ZFPM2: variants seen among roughly 807,000 people sequenced by gnomAD.
ZFPM2 encodes the protein zinc finger protein ZFPM2.
In ZFPM2, 20 loss-of-function variants were observed where a neutral mutation model predicts 98.6. The ratio of observed to expected loss-of-function variants is 0.20; its 90% CI spans 0.14 to 0.29. The LOEUF (loss-of-function observed/expected upper bound fraction) is 0.29, where lower values mean the gene tolerates loss of function less well. ZFPM2 is among the 10% of genes least tolerant of loss of function. The pLI is 1.00. For synonymous variants in ZFPM2, 518 were observed against 502.7 expected (o/e 1.03, Z -0.41); for missense variants, 1,310 against 1,388.6 (o/e 0.94, Z 0.90).
intron 4 of ZFPM2, among the ~76,000 whole-genome samples, chr8:105,586,124 G>A (rs1815709612): frequency 6.6e-6 from 1 of 151,782 alleles, no homozygotes; most frequent in Non-Finnish European, 1.5e-5. Context: ...AAGAGAACAT[G>A]GTAAACTTCA....
At chr8:105,498,576 C>G (rs776244093) in intron 3 of ZFPM2, among the ~76,000 whole-genome samples, 10 of 152,204 alleles carry the variant, frequency 6.6e-5, no homozygotes, top group Non-Finnish European at 1.5e-4. Context: ...TCCTAAACCC[C>G]TCTCTTTTCA....
intron 3 of ZFPM2, among the ~76,000 whole-genome samples, chr8:105,488,540 TCA>T (rs1813283662): frequency 1.3e-5 from 2 of 152,066 alleles, no homozygotes; most frequent in Admixed American, 6.6e-5. Flanking sequence ...GGCAGGTGGA[TCA>T]CAAGGTCAGG....
intron 3 of ZFPM2, among the ~76,000 whole-genome samples, chr8:105,489,466 A>ATATTTTT (rs1554610604): frequency 8.3e-6 from 1 of 119,808 alleles, no homozygotes; most frequent in African/African-American, 3.6e-5. Context: ...ATATATATAT[A>ATATTTTT]TTTTTTTTTT....
intron 4 of ZFPM2, among the ~76,000 whole-genome samples, chr8:105,615,177 A>G (rs1398943016): frequency 1.3e-5 from 2 of 152,008 alleles, no homozygotes; most frequent in Non-Finnish European, 2.9e-5. Context: ...ATAACATGAA[A>G]AAAAAAACAC....
At chr8:105,514,990 A>G (rs1563694119) in intron 3 of ZFPM2, among the ~76,000 whole-genome samples, 1 of 151,648 alleles carries the variant, frequency 6.6e-6, no homozygotes, top group Non-Finnish European at 1.5e-5. Flanking sequence ...TAACTTACTG[A>G]CCTGTTAGTG....
chr8:105,661,580 G>A (rs1399556416), intron 5 of ZFPM2, among the ~76,000 whole-genome samples: 2 of 152,082 alleles, frequency 1.3e-5, no homozygotes, highest in East Asian at 1.9e-4. Context: ...TTTCAGCTCC[G>A]AGTTGTCTGT....
intron 5 of ZFPM2, chr8:105,782,629 T>C (rs1813282969): frequency 6.6e-6 from 1 of 152,240 alleles, no homozygotes; most frequent in African/African-American, 2.4e-5. Flanking sequence ...GATGCTCAAG[T>C]ACCTGATATA....
chr8:105,572,937 G>C (rs750607820), intron 4 of ZFPM2, among the ~76,000 whole-genome samples: 64 of 152,190 alleles, frequency 4.2e-4, no homozygotes, highest in Middle Eastern at 3.4e-3. Flanking sequence ...CTAAAGCATA[G>C]AGTTATGTAG....
At chr8:105,559,793 G>GA (rs541725086) in intron 3 of ZFPM2, among the ~76,000 whole-genome samples, 14 of 151,380 alleles carry the variant, frequency 9.2e-5, no homozygotes, top group South Asian at 6.2e-4. Flanking sequence ...GTTTCTTTTT[G>GA]AAAAAAAACT....
At position 105,788,699 on chromosome 8, in the gene ZFPM2, T is replaced by A. The variant is rs771982177; in HGVS notation, c.533-19T>A. On this transcript the variant is annotated intron_variant, in intron 5 of 7. Coordinates refer to ENST00000407775, the MANE Select transcript of ZFPM2 (RefSeq NM_012082.4). ...GCATCCTATGTCAATTTTATCTTTT[T>A]CTTTTTTCTTCTTAATAGGGGGTCA... is the stretch of plus-strand genomic sequence containing the variant. The A allele has an allele frequency of 6.2e-6, 10 of 1,612,684 alleles. No individual in the cohort carries two copies. The highest frequency in any genetic ancestry group is 6.8e-6 in the Non-Finnish European group (8 of 1,178,750).
chr8:105,651,794 A>G (rs748093901), intron 5 of ZFPM2, among the ~76,000 whole-genome samples: 5 of 152,218 alleles, frequency 3.3e-5, no homozygotes, highest in Admixed American at 2.0e-4. Flanking sequence ...ATTATGCATC[A>G]TTCAACAGAA....
chr8:105,766,879 T>G (rs1265445235), intron 5 of ZFPM2, among the ~76,000 whole-genome samples: 1 of 151,892 alleles, frequency 6.6e-6, no homozygotes, highest in Non-Finnish European at 1.5e-5. Context: ...TGCTGAACGC[T>G]TAGATACCAC....
At chr8:105,388,957 C>G (rs1304011638) in intron 1 of ZFPM2, among the ~76,000 whole-genome samples, 1 of 150,728 alleles carries the variant, frequency 6.6e-6, no homozygotes, top group Admixed American at 6.6e-5. Context: ...AAGGAGAGAA[C>G]GTGCACATAC....
chr8:105,654,097 T>C (rs1332583713), intron 5 of ZFPM2, among the ~76,000 whole-genome samples: 2 of 152,004 alleles, frequency 1.3e-5, no homozygotes, highest in Non-Finnish European at 2.9e-5. Context: ...CATTGTTATT[T>C]TGCAAAACAA....
At chr8:105,728,601 T>A (rs1338598044) in intron 5 of ZFPM2, among the ~76,000 whole-genome samples, 2 of 151,760 alleles carry the variant, frequency 1.3e-5, no homozygotes, top group Non-Finnish European at 2.9e-5. Context: ...CAGGGGAGTA[T>A]AGCCTTCTCC....
intron 3 of ZFPM2, among the ~76,000 whole-genome samples, chr8:105,456,279 T>C (rs1044005564): frequency 6.6e-6 from 1 of 151,836 alleles, no homozygotes; most frequent in African/African-American, 2.4e-5. Flanking sequence ...TTAGTGATTT[T>C]ATCTAGAACT....
chr8:105,589,320 A>G (rs1815793778), intron 4 of ZFPM2, among the ~76,000 whole-genome samples: 1 of 152,238 alleles, frequency 6.6e-6, no homozygotes, highest in Non-Finnish European at 1.5e-5. Flanking sequence ...TGTTAAATGC[A>G]CATAACAATA....
At chr8:105,659,851 A>T (rs2130884120) in intron 5 of ZFPM2, among the ~76,000 whole-genome samples, 1 of 152,366 alleles carries the variant, frequency 6.6e-6, no homozygotes, top group East Asian at 1.9e-4. Flanking sequence ...CCTGTTCTAT[A>T]TAAAAAGAGA....
At chr8:105,322,684 A>G (rs1157542252) in intron 1 of ZFPM2, among the ~76,000 whole-genome samples, 4 of 152,240 alleles carry the variant, frequency 2.6e-5, no homozygotes, top group Admixed American at 2.6e-4. Context: ...GTGGTGAAGT[A>G]TAATGAAAGG....
Sources: allele counts gnomAD v4.1 joint callset (sites outside exome capture counted in the v4.1 genomes callset), GRCh38; gene constraint gnomAD v4.1.1; transcripts MANE v1.5; gene names NCBI Gene and HGNC (gene_info 2026-07-23, HGNC 2026-07-21).